DPYSL3: variants seen among roughly 807,000 people sequenced by gnomAD.
DPYSL3 encodes dihydropyrimidinase like 3.
DPYSL3 carries 16 observed loss-of-function variants against 66.1 expected under a neutral mutation model. The observed-to-expected ratio is 0.24, with a 90% CI of 0.16 to 0.37. DPYSL3 has a LOEUF of 0.37. Among genes scored for constraint, DPYSL3 ranks in the 10% least tolerant of loss-of-function variants. The pLI, the probability that DPYSL3 is intolerant of heterozygous loss-of-function variation, is 1.00. For missense variants in DPYSL3, 738 were observed against 916.2 expected (o/e 0.81, Z 2.51); for synonymous variants, 338 against 345.1 (o/e 0.98, Z 0.23).
intron 1 of DPYSL3, among the ~76,000 whole-genome samples, chr5:147,440,644 A>C (rs1209140511): frequency 6.6e-6 from 1 of 152,202 alleles, no homozygotes; most frequent in Non-Finnish European, 1.5e-5. Context: ...CTGAAATCTA[A>C]TTATGCTATC....
chr5:147,398,239 A>C (rs1229113031), intron 11 of DPYSL3, among the ~76,000 whole-genome samples: 1 of 152,122 alleles, frequency 6.6e-6, no homozygotes, highest in Non-Finnish European at 1.5e-5. Context: ...CACAATATTT[A>C]AGCAAAGGCC....
chr5:147,429,599 G>A (rs1752270250), intron 1 of DPYSL3, among the ~76,000 whole-genome samples: 1 of 152,090 alleles, frequency 6.6e-6, no homozygotes, highest in Non-Finnish European at 1.5e-5. Flanking sequence ...GTTGGTGAGA[G>A]ACTATTTCTA....
At chr5:147,488,137 C>A (rs726054) in intron 1 of DPYSL3, among the ~76,000 whole-genome samples, 21,892 of 152,120 alleles carry the variant, frequency 0.14, 1,668 homozygotes, top group Middle Eastern at 0.21. Context: ...AAAGAGAAAA[C>A]AGCCCCTCCC....
chr5:147,453,676 G>T (rs1285322231), intron 1 of DPYSL3: 1 of 1,460,814 alleles, frequency 6.8e-7, no homozygotes. Context: ...AGCGCCCCGA[G>T]ATCAGGTGGA....
chr5:147,453,723 G>C (rs1561794353), intron 1 of DPYSL3: 1 of 1,316,274 alleles, frequency 7.6e-7, no homozygotes, highest in Non-Finnish European at 9.7e-7. Flanking sequence ...GCCTCCGCCC[G>C]CCTCCGCCCC....
chr5:147,490,699 G>C (rs1443019809), intron 1 of DPYSL3, among the ~76,000 whole-genome samples: 1 of 152,150 alleles, frequency 6.6e-6, no homozygotes, highest in Non-Finnish European at 1.5e-5. Context: ...CCCCAAAACT[G>C]GGTAGACAGA....
chr5:147,424,956 C>T lies in DPYSL3; in HGVS notation c.389G>A (p.Arg130His), dbSNP rs374440794. ...GATTCTGCCTCCCTTGATAAGGAGA[C>T]GGTCACTCTAGAAAAGAAGGAAAAC... ...QNLGPKDKSDRLLIKGGRIVN... is the reference protein window; with the variant it reads ...QNLGPKDKSDHLLIKGGRIVN... The change falls in exon 2 of 14, where the codon CGT becomes CAT. Residue 130 changes from arginine (R) to histidine (H), a missense_variant. By Grantham distance (29) the Arg-to-His change is conservative. Coordinates refer to ENST00000343218, the MANE Select transcript of DPYSL3 (RefSeq NM_001197294.2). 11 of 1,611,820 alleles carry T rather than the reference C, an allele frequency of 6.8e-6. No individual in the cohort carries two copies. Among genetic ancestry groups the T allele is most frequent in the Middle Eastern group, 1.6e-4 (1 of 6,074 alleles).
chr5:147,471,519 G>T (rs1397693008), intron 1 of DPYSL3, among the ~76,000 whole-genome samples: 1 of 152,092 alleles, frequency 6.6e-6, no homozygotes, highest in Non-Finnish European at 1.5e-5. Context: ...TTTCCAATTG[G>T]AAAGAATTCG....
At chr5:147,408,635 T>C in intron 7 of DPYSL3, 93 bp downstream of exon 7, 1 of 1,378,868 alleles carries the variant, frequency 7.3e-7, no homozygotes, top group Non-Finnish European at 1.0e-6. Flanking sequence ...GGAAGAAATG[T>C]TCCAATACTG....
At chr5:147,443,251 C>T (rs1752567162) in intron 1 of DPYSL3, among the ~76,000 whole-genome samples, 2 of 152,254 alleles carry the variant, frequency 1.3e-5, no homozygotes, top group African/African-American at 4.8e-5. Context: ...CAATGATAGA[C>T]TGGATAAAGA....
chr5:147,408,763 C>T lies in DPYSL3; in HGVS notation c.997G>A (p.Gly333Ser). 1 of 1,614,140 alleles carries T rather than the reference C, an allele frequency of 6.2e-7. No homozygotes were observed. Among genetic ancestry groups the T allele is most frequent in the Non-Finnish European group, 8.5e-7 (1 of 1,180,016 alleles). ...CTGCTCAGTACATGGCCTTCTGGGC[C>T]AGTTATCCCCATTTCCAACATGCGG... ...QTRMLEMGITGPEGHVLSRPE... is the reference protein window; with the variant it reads ...QTRMLEMGITSPEGHVLSRPE... The change falls in exon 7 of 14, where the codon GGC becomes AGC. Residue 333 changes from glycine to serine, a missense_variant. Gly to Ser is a moderately conservative substitution (Grantham distance 56, BLOSUM62 0). Coordinates refer to ENST00000343218, the MANE Select transcript of DPYSL3 (RefSeq NM_001197294.2).
intron 8 of DPYSL3, among the ~76,000 whole-genome samples, chr5:147,403,092 G>A (rs919938074): frequency 7.9e-5 from 12 of 152,132 alleles, no homozygotes; most frequent in Non-Finnish European, 1.0e-4. Flanking sequence ...TCCATGAAGG[G>A]AAAAATTCTA....
chr5:147,505,525 C>G (rs1305700976), intron 1 of DPYSL3, among the ~76,000 whole-genome samples: 1 of 152,174 alleles, frequency 6.6e-6, no homozygotes, highest in Non-Finnish European at 1.5e-5. Context: ...CGTGAGCCAC[C>G]ACTCCCAGCC....
In DPYSL3 at chr5:147,412,595, T is replaced by C; in HGVS notation, c.963+13A>G. 1 of 1,609,330 alleles carries C rather than the reference T, an allele frequency of 6.2e-7. No individual in the cohort carries two copies. Among genetic ancestry groups the C allele is most frequent in the Non-Finnish European group, 8.5e-7 (1 of 1,177,540 alleles). ...AGACCCAAAGCACGCTCCAGGGAGC[T>C]GCACGGTGTTACCTGGGCAATGATA... On this transcript the variant is annotated intron_variant, in intron 6 of 13. Coordinates refer to ENST00000343218, the MANE Select transcript of DPYSL3 (RefSeq NM_001197294.2).
intron 1 of DPYSL3, among the ~76,000 whole-genome samples, chr5:147,466,548 A>C (rs1581208076): frequency 6.6e-6 from 1 of 152,154 alleles, no homozygotes; most frequent in African/African-American, 2.4e-5. Context: ...CTGAATCTTC[A>C]GTTAAGTGCA....
At chr5:147,397,025 GTTTA>G (rs10561141) in intron 12 of DPYSL3, among the ~76,000 whole-genome samples, 66,238 of 146,326 alleles carry the variant, frequency 0.45, 15,630 homozygotes, top group African/African-American at 0.57. Flanking sequence ...ATATATAAAT[GTTTA>G]TTTATATATT....
chr5:147,473,195 C>A (rs1753108921), intron 1 of DPYSL3: 1 of 152,112 alleles, frequency 6.6e-6, no homozygotes, highest in Non-Finnish European at 1.5e-5. Flanking sequence ...ATCCAAAGAT[C>A]TTTTTTCACA....
intron 7 of DPYSL3, 99 bp downstream of exon 7, chr5:147,408,629 G>T: frequency 7.6e-7 from 1 of 1,312,254 alleles, no homozygotes; most frequent in Non-Finnish European, 1.1e-6. Context: ...GTCTTTGGAA[G>T]AAATGTTCCA....
chr5:147,451,303 G>T (rs534778447), intron 1 of DPYSL3, among the ~76,000 whole-genome samples: 1 of 152,336 alleles, frequency 6.6e-6, no homozygotes, highest in Admixed American at 6.5e-5. Flanking sequence ...CCTGTTAACA[G>T]CTGCTGGAGA....
Sources: gnomAD v4.1 joint callset for allele counts (sites outside exome capture counted in the v4.1 genomes callset) on GRCh38, gnomAD v4.1.1 for gene constraint, MANE v1.5 for transcripts, NCBI Gene and HGNC (gene_info 2026-07-23, HGNC 2026-07-21) for gene names.